The following FAM13B variants were observed in gnomAD, a reference collection of about 807,000 sequenced individuals.
The protein encoded by FAM13B is protein FAM13B.
FAM13B carries 60 observed loss-of-function variants against 117.3 expected under a neutral mutation model. The ratio of observed to expected loss-of-function variants is 0.51; its 90% CI spans 0.42 to 0.63. The LOEUF (loss-of-function observed/expected upper bound fraction) is 0.63, where lower values mean the gene tolerates loss of function less well. FAM13B is among the 30% of genes least tolerant of loss of function. The pLI, the probability that FAM13B is intolerant of heterozygous loss-of-function variation, is 0.00. For missense variants in FAM13B, 972 were observed against 1,091.9 expected (o/e 0.89, Z 1.55); for synonymous variants, 332 against 356.1 (o/e 0.93, Z 0.76).
chr5:137,987,876 A>G (rs1446956413), intron 8 of FAM13B, among the ~76,000 whole-genome samples: 1 of 152,218 alleles, frequency 6.6e-6, no homozygotes, highest in Non-Finnish European at 1.5e-5. Context: ...AGTTGTCCCT[A>G]TAATTCACTC....
At chr5:138,051,230 A>G (rs1300026419) in intron 1 of FAM13B, among the ~76,000 whole-genome samples, 1 of 152,214 alleles carries the variant, frequency 6.6e-6, no homozygotes, top group Non-Finnish European at 1.5e-5. Context: ...TTAGAAATAG[A>G]TCCATATTAG....
intron 10 of FAM13B, among the ~76,000 whole-genome samples, chr5:137,966,944 C>T (rs1015914059): frequency 1.3e-5 from 2 of 152,106 alleles, no homozygotes; most frequent in Admixed American, 6.6e-5. Flanking sequence ...GGACAAACAG[C>T]TGAATCTGCT....
intron 10 of FAM13B, among the ~76,000 whole-genome samples, chr5:137,982,154 C>G (rs1775946105): frequency 6.6e-6 from 1 of 152,246 alleles, no homozygotes; most frequent in South Asian, 2.1e-4. Context: ...AACATACCAT[C>G]AAGAAACAAA....
intron 7 of FAM13B, among the ~76,000 whole-genome samples, chr5:137,989,530 T>TA (rs1379102029): frequency 6.6e-6 from 1 of 152,138 alleles, no homozygotes; most frequent in Non-Finnish European, 1.5e-5. Flanking sequence ...TATTCACACT[T>TA]AAAGATTTTT....
At chr5:137,963,893 A>G (rs1768897331) in intron 10 of FAM13B, among the ~76,000 whole-genome samples, 2 of 152,176 alleles carry the variant, frequency 1.3e-5, no homozygotes, top group Admixed American at 1.3e-4. Context: ...GTTTCATCCC[A>G]AAACCCCAAC....
At chr5:137,975,058 C>T (rs998334984) in intron 10 of FAM13B, among the ~76,000 whole-genome samples, 2 of 152,170 alleles carry the variant, frequency 1.3e-5, no homozygotes, top group Admixed American at 1.3e-4. Flanking sequence ...GTGGCAGAGA[C>T]TATATACCCA....
chr5:138,000,948 A>AAC (rs1561514291), intron 7 of FAM13B, among the ~76,000 whole-genome samples: 1 of 151,838 alleles, frequency 6.6e-6, no homozygotes, highest in South Asian at 2.1e-4. Context: ...AAAAACAAAA[A>AAC]AAAAAAAAAC....
At chr5:137,979,889 C>T (rs374078953) in intron 10 of FAM13B, among the ~76,000 whole-genome samples, 7 of 151,446 alleles carry the variant, frequency 4.6e-5, no homozygotes, top group South Asian at 2.1e-4. Flanking sequence ...CGACCAGGCA[C>T]GGTGGCTCAC....
intron 11 of FAM13B, among the ~76,000 whole-genome samples, chr5:137,961,014 C>G (rs966770515): frequency 6.6e-6 from 1 of 152,096 alleles, no homozygotes; most frequent in African/African-American, 2.4e-5. Flanking sequence ...AGGAGACATG[C>G]CTTGATCTAA....
chr5:138,023,114 A>G (rs1019393749), intron 1 of FAM13B, among the ~76,000 whole-genome samples: 1 of 152,124 alleles, frequency 6.6e-6, no homozygotes, highest in African/African-American at 2.4e-5. Context: ...TCAGGAGCCT[A>G]TTATCTCATC....
chr5:137,987,761 G>A (rs978632455), intron 8 of FAM13B, 145 bp from the exon 9 acceptor site: 6 of 675,392 alleles, frequency 8.9e-6, no homozygotes, highest in Non-Finnish European at 1.4e-5. Context: ...TACATAAAAG[G>A]AATACATGAT....
At chr5:138,052,034 G>A (rs1016229156), upstream of FAM13B, 3 of 152,118 alleles carry the variant, frequency 2.0e-5, no homozygotes, top group African/African-American at 7.2e-5. Context: ...TAGAGATAAA[G>A]AACCAGCGTC....
chr5:138,052,044 C>T (rs977019586), upstream of FAM13B: 5 of 152,234 alleles, frequency 3.3e-5, no homozygotes, highest in South Asian at 2.1e-4. Context: ...GAACCAGCGT[C>T]GAAGATAAAG....
intron 15 of FAM13B, 144 bp from the exon 16 acceptor site, chr5:137,953,609 G>C: frequency 1.3e-6 from 1 of 792,862 alleles, no homozygotes. Flanking sequence ...GTAGTATAAA[G>C]AAACACTGTA....
intron 10 of FAM13B, among the ~76,000 whole-genome samples, chr5:137,977,763 T>C (rs976137369): frequency 6.6e-6 from 1 of 152,236 alleles, no homozygotes; most frequent in Non-Finnish European, 1.5e-5. Flanking sequence ...CTGATATTCA[T>C]TCTCAACCAT....
intron 7 of FAM13B, among the ~76,000 whole-genome samples, chr5:138,000,957 A>C (rs956026976): frequency 1.8e-4 from 26 of 141,764 alleles, no homozygotes; most frequent in East Asian, 4.1e-4. Flanking sequence ...AAAAAAAAAA[A>C]CAGCATCTTT....
rs188329238 is a variant in FAM13B, at chr5:137,961,299, G to C, written c.1245-1085C>G. Among the ~76,000 whole-genome samples, 352 of 131,234 alleles carry C rather than the reference G, an allele frequency of 2.7e-3. 1 individual carries two copies. Among genetic ancestry groups the C allele is most frequent in the African/African-American group, 9.7e-3 (337 of 34,604 alleles). 86.1% of individuals were successfully genotyped at this position (131,234 alleles called of 152,430 possible). A position where few individuals can be genotyped will look rare whatever the true frequency, so the allele number is the denominator to read the frequency against. On this transcript the variant is annotated intron_variant, in intron 11 of 23. Transcript: ENST00000689681. ...TATACACAGTTGAAGTTGAAGAGGA[G>C]AGAGCTTTTTCCAAAAACAACAACA... is the stretch of plus-strand genomic sequence containing the variant.
intron 7 of FAM13B, among the ~76,000 whole-genome samples, chr5:137,996,632 G>A (rs539886572): frequency 1.3e-4 from 19 of 151,396 alleles, no homozygotes; most frequent in Non-Finnish European, 8.8e-5. Flanking sequence ...TCACCCTGTC[G>A]CCCAGACTGG....
chr5:138,050,413 G>A lies in FAM13B; in HGVS notation c.-203+1465C>T, dbSNP rs536864646. On this transcript the variant is annotated intron_variant, in intron 1 of 3. Transcript: ENST00000502471. ...GATTGGGCCACTGCACTCCAGCCTA[G>A]GCAACAAGAATGAAACTCCGTCTCA... Among the ~76,000 whole-genome samples the A allele has an allele frequency of 2.2e-4, 34 of 151,356 alleles. No homozygotes were observed. The South Asian group carries it at 5.5e-3, about 24-fold the overall frequency.
Sources: gnomAD v4.1 joint callset for allele counts (sites outside exome capture counted in the v4.1 genomes callset) on GRCh38, gnomAD v4.1.1 for gene constraint, MANE v1.5 for transcripts, NCBI Gene and HGNC (gene_info 2026-07-23, HGNC 2026-07-21) for gene names.